FAM120B: variants seen among roughly 807,000 people sequenced by gnomAD.
FAM120B encodes constitutive coactivator of peroxisome proliferator-activated receptor gamma.
FAM120B carries 83 observed loss-of-function variants against 96.3 expected under a neutral mutation model. The ratio of observed to expected loss-of-function variants is 0.86; its 90% CI spans 0.72 to 1.03. The LOEUF is 1.03. FAM120B is among the 50% of genes least tolerant of loss of function. FAM120B has a pLI of 0.00. For synonymous variants in FAM120B, 407 were observed against 402.7 expected (o/e 1.01, Z -0.13); for missense variants, 1,027 against 1,121.2 (o/e 0.92, Z 1.20).
chr6:170,321,066 C>G (rs1430472362), intron 2 of FAM120B, among the ~76,000 whole-genome samples: 2 of 152,128 alleles, frequency 1.3e-5, no homozygotes, highest in Non-Finnish European at 2.9e-5. Flanking sequence ...AAGGCAGGGT[C>G]AAGGAGAGTC....
intron 7 of FAM120B, among the ~76,000 whole-genome samples, 172 bp downstream of exon 7, chr6:170,388,665 A>G (rs1246934806): frequency 6.6e-6 from 1 of 152,204 alleles, no homozygotes; most frequent in Non-Finnish European, 1.5e-5. Flanking sequence ...AACATAACTA[A>G]TACAGGCTGA....
chr6:170,295,160 C>G (rs143431070), upstream of FAM120B, among the ~76,000 whole-genome samples: 206 of 152,334 alleles, frequency 1.4e-3, no homozygotes, highest in African/African-American at 4.8e-3. This position sits in a 1 kb window ranked among gnomAD's most constrained non-coding sequence, Gnocchi z 7.8. Context: ...CGTGGCGAAG[C>G]CTCTGTGTCC....
intron 6 of FAM120B, among the ~76,000 whole-genome samples, chr6:170,369,817 G>A (rs1319026668): frequency 6.6e-6 from 1 of 151,864 alleles, no homozygotes; most frequent in African/African-American, 2.4e-5. Flanking sequence ...ACTTGGGGGT[G>A]GAAACTGAGT....
chr6:170,385,214 A>G (rs531680721), intron 6 of FAM120B, among the ~76,000 whole-genome samples: 10 of 152,370 alleles, frequency 6.6e-5, no homozygotes, highest in African/African-American at 1.9e-4. Context: ...TTAAAATAGT[A>G]CACTTCTAAA....
chr6:170,353,621 C>G (rs1233184378), intron 5 of FAM120B, among the ~76,000 whole-genome samples: 2 of 152,064 alleles, frequency 1.3e-5, no homozygotes, highest in Non-Finnish European at 2.9e-5. Flanking sequence ...CGCCAGTATT[C>G]CTATACACCA....
intron 6 of FAM120B, among the ~76,000 whole-genome samples, chr6:170,362,752 TCTC>T (rs1788544436): frequency 6.6e-6 from 1 of 151,578 alleles, no homozygotes; most frequent in Non-Finnish European, 1.5e-5. Flanking sequence ...TACAATCTTG[TCTC>T]ACTGCAATCT....
At chr6:170,383,408 C>T (rs962014106) in intron 6 of FAM120B, among the ~76,000 whole-genome samples, 4 of 152,182 alleles carry the variant, frequency 2.6e-5, no homozygotes, top group Middle Eastern at 3.2e-3. Context: ...TGCAAACCTC[C>T]TGTCTGACAG....
At chr6:170,383,927 A>C (rs760344750) in intron 6 of FAM120B, among the ~76,000 whole-genome samples, 3 of 152,232 alleles carry the variant, frequency 2.0e-5, no homozygotes, top group Non-Finnish European at 4.4e-5. Flanking sequence ...GCCATGAAGC[A>C]CAACTCGGCA....
At chr6:170,371,113 C>G (rs1562576916) in intron 6 of FAM120B, among the ~76,000 whole-genome samples, 1 of 152,128 alleles carries the variant, frequency 6.6e-6, no homozygotes, top group Non-Finnish European at 1.5e-5. Context: ...CAAAAAGAAA[C>G]CTCTACCTCT....
chr6:170,399,166 G>C (rs528034086), intron 9 of FAM120B, among the ~76,000 whole-genome samples: 2 of 148,004 alleles, frequency 1.4e-5, no homozygotes, highest in Admixed American at 1.3e-4. Context: ...ACTTAGGAGT[G>C]AGTGGGGAAG....
At chr6:170,345,804 T>C (rs1226467664) in intron 4 of FAM120B, among the ~76,000 whole-genome samples, 1 of 152,222 alleles carries the variant, frequency 6.6e-6, no homozygotes, top group Admixed American at 6.5e-5. Context: ...AAGTTCCTAG[T>C]TATGTATTCA....
intron 4 of FAM120B, among the ~76,000 whole-genome samples, chr6:170,346,869 A>G (rs987923183): frequency 3.3e-5 from 5 of 152,124 alleles, no homozygotes; most frequent in Admixed American, 2.6e-4. Flanking sequence ...AATTACTGAC[A>G]CTTGTGGTTG....
At chr6:170,390,974 T>G in intron 7 of FAM120B, 39 bp from the exon 8 acceptor site, 12 of 1,559,286 alleles carry the variant, frequency 7.7e-6, no homozygotes, top group Non-Finnish European at 1.1e-5. Flanking sequence ...TTGCCACATC[T>G]GGCCCCTCAC....
chr6:170,366,646 A>T (rs1299018442), intron 6 of FAM120B, among the ~76,000 whole-genome samples: 1 of 152,078 alleles, frequency 6.6e-6, no homozygotes, highest in East Asian at 1.9e-4. Flanking sequence ...GTGTGGGGTG[A>T]ATGGGGGTTG....
In FAM120B at chr6:170,370,188, C is replaced by A. The variant is rs1238572301; in HGVS notation, c.2283+11870C>A. 6.6e-6 allele frequency among the ~76,000 whole-genome samples: 1 copy of A among 152,250 alleles called. No homozygotes were observed. The highest frequency in any genetic ancestry group is 1.5e-5 in the Non-Finnish European group (1 of 68,044). The stretch of plus-strand genomic sequence containing the variant: ...GGCCCTGCTCTCTGCACCTCACAGA[C>A]TTCCCCAGCGGGGCGGCCCCCAGGC... On this transcript the variant is annotated intron_variant, in intron 6 of 10. Transcript: ENST00000476287. This position sits in a 1 kb window ranked among gnomAD's most constrained non-coding sequence, Gnocchi z 4.3.
rs1173698336 is a variant in FAM120B at position 170,323,260 on chromosome 6, G to A, written c.1915+1G>A. ...TCACTCTTACTGGAGGACTGTCAAG[G>A]TGAGAATTGGTTGGTCCCTCTTAGT... On this transcript the variant is annotated splice_donor_variant, in intron 3 of 10. Transcript: ENST00000476287. LOFTEE classifies it high-confidence loss of function. 6.2e-7 allele frequency: 1 copy of A among 1,611,466 alleles called. No individual in the cohort carries two copies. The highest frequency in any genetic ancestry group is 1.7e-5 in the Admixed American group (1 of 59,540).
At chr6:170,296,022 T>G (rs568763638) in intron 1 of FAM120B, among the ~76,000 whole-genome samples, 1 of 152,130 alleles carries the variant, frequency 6.6e-6, no homozygotes, top group East Asian at 2.0e-4. Flanking sequence ...AACCCGCGGA[T>G]CATCTGCTGG....
chr6:170,378,560 A>T (rs142203815), intron 6 of FAM120B, among the ~76,000 whole-genome samples: 1 of 152,258 alleles, frequency 6.6e-6, no homozygotes, highest in Admixed American at 6.5e-5. Flanking sequence ...AATGGGTATC[A>T]GTGAGAGACG....
chr6:170,376,567 G>T (rs1305491878), intron 6 of FAM120B, among the ~76,000 whole-genome samples: 1 of 152,100 alleles, frequency 6.6e-6, no homozygotes, highest in South Asian at 2.1e-4. Context: ...GCAGCAGAGC[G>T]GTATGCAAGA....
Sources: allele counts gnomAD v4.1 joint callset (sites outside exome capture counted in the v4.1 genomes callset), GRCh38; gene constraint gnomAD v4.1.1; non-coding constraint Gnocchi (gnomAD v3.1); transcripts MANE v1.5; gene names NCBI Gene and HGNC (gene_info 2026-07-23, HGNC 2026-07-21).